Variants in ZNF804B observed in about 807,000 individuals in gnomAD.
The protein encoded by ZNF804B is zinc finger protein 804B, also known as zinc finger 804B.
ZNF804B carries 80 observed loss-of-function variants against 101.4 expected under a neutral mutation model. The observed-to-expected ratio is 0.79, with a 90% CI of 0.66 to 0.95. The LOEUF is 0.95. Among genes scored for constraint, ZNF804B ranks in the 40% least tolerant of loss-of-function variants. The pLI is 0.00. For synonymous variants in ZNF804B, 622 were observed against 558.8 expected, an observed-to-expected ratio of 1.11 and a Z score of -1.59; for missense variants, 1,673 against 1,561.9, an observed-to-expected ratio of 1.07 and a Z score of -1.20.
At chr7:88,817,686 A>G (rs951241874) in intron 1 of ZNF804B, among the ~76,000 whole-genome samples, 2 of 152,222 alleles carry the variant, frequency 1.3e-5, no homozygotes, top group African/African-American at 4.8e-5. Context: ...TGATATATTC[A>G]TCACAACTAA....
At chr7:89,296,584 A>G (rs1436628510) in intron 2 of ZNF804B, among the ~76,000 whole-genome samples, 1 of 152,026 alleles carries the variant, frequency 6.6e-6, no homozygotes, top group Non-Finnish European at 1.5e-5. Flanking sequence ...TTCAGAGCTC[A>G]TTTTCCTACA....
intron 2 of ZNF804B, among the ~76,000 whole-genome samples, chr7:89,280,497 T>C (rs1265403438): frequency 6.6e-6 from 1 of 151,968 alleles, no homozygotes; most frequent in Non-Finnish European, 1.5e-5. Flanking sequence ...ATCAACAAAA[T>C]TGATAGACCG....
intron 1 of ZNF804B, among the ~76,000 whole-genome samples, chr7:88,807,492 A>G (rs1790709415): frequency 6.6e-6 from 1 of 152,232 alleles, no homozygotes. Context: ...AATACTTTAT[A>G]ACCTCTAAGA....
intron 1 of ZNF804B, among the ~76,000 whole-genome samples, chr7:88,904,104 A>G (rs920835536): frequency 6.6e-6 from 1 of 152,128 alleles, no homozygotes; most frequent in Admixed American, 6.6e-5. Context: ...TTAAATCTTT[A>G]ATCCATCTTG....
At chr7:88,852,328 C>T (rs1219313414) in intron 1 of ZNF804B, among the ~76,000 whole-genome samples, 2 of 151,916 alleles carry the variant, frequency 1.3e-5, no homozygotes, top group Non-Finnish European at 1.5e-5. Context: ...AGTTGGTATT[C>T]GTTTGAGGAT....
chr7:89,083,393 C>G (rs984948959), intron 1 of ZNF804B, among the ~76,000 whole-genome samples: 1 of 151,762 alleles, frequency 6.6e-6, no homozygotes, highest in East Asian at 1.9e-4. Flanking sequence ...TCCAAATGCA[C>G]TCTCTTGGTT....
intron 1 of ZNF804B, among the ~76,000 whole-genome samples, chr7:89,146,825 A>C (rs1359222445): frequency 6.6e-6 from 1 of 151,880 alleles, no homozygotes; most frequent in Non-Finnish European, 1.5e-5. Context: ...TCAGAAGTTC[A>C]AGACCAGCAT....
rs202209590 is a variant in ZNF804B at position 89,098,439 on chromosome 7, AT to A, written c.109-119711del. Among the ~76,000 whole-genome samples the A allele has an allele frequency of 8.8e-3, 1,337 of 151,880 alleles. 20 individuals are homozygous for A. Among genetic ancestry groups the A allele is most frequent in the African/African-American group, 0.03 (1,259 of 41,430 alleles). The stretch of plus-strand genomic sequence containing the variant: ...AGGTGCGTGCCACCACACCCAGCTA[AT>A]TTTTGTATTTTTAGTAGAGATGGGG... On this transcript the variant is annotated intron_variant, in intron 1 of 3. Transcript: ENST00000333190.
chr7:88,777,796 C>T (rs1212914465), intron 1 of ZNF804B, among the ~76,000 whole-genome samples: 8 of 141,930 alleles, frequency 5.6e-5, no homozygotes, highest in Admixed American at 2.2e-4. Flanking sequence ...TGCAGTGAGC[C>T]GAGATCACAC....
chr7:89,228,224 A>C (rs1789126760), intron 2 of ZNF804B, among the ~76,000 whole-genome samples: 1 of 147,282 alleles, frequency 6.8e-6, no homozygotes, highest in Admixed American at 6.8e-5. Flanking sequence ...TCATAAAGGC[A>C]GTGTGTACCC....
chr7:88,866,072 GC>G lies in ZNF804B; in HGVS notation c.108+105989del, dbSNP rs542959976. Among the ~76,000 whole-genome samples, 191 of 152,142 alleles carry G rather than the reference GC, an allele frequency of 1.3e-3. 1 individual carries two copies. The highest frequency in any genetic ancestry group is 0.011 in the Admixed American group (166 of 15,284). On this transcript the variant is annotated intron_variant, in intron 1 of 3. Transcript: ENST00000333190. Reference sequence around the variant, plus strand: ...TAAGTAGTAAATACATGTTAGCTAAGCAAAACTATACTAGTTAAGACTAATA... The same window carrying G: ...TAAGTAGTAAATACATGTTAGCTAAGAAAACTATACTAGTTAAGACTAATA...
At chr7:89,175,565 T>C (rs1233471595) in intron 1 of ZNF804B, among the ~76,000 whole-genome samples, 1 of 151,516 alleles carries the variant, frequency 6.6e-6, no homozygotes, top group Admixed American at 6.6e-5. Flanking sequence ...AGCTCTGTGA[T>C]TCCATATACA....
At chr7:88,933,314 A>G (rs1413803328) in intron 1 of ZNF804B, among the ~76,000 whole-genome samples, 2 of 151,878 alleles carry the variant, frequency 1.3e-5, no homozygotes, top group African/African-American at 4.8e-5. Context: ...TAAAAGACAT[A>G]TATGACAAAC....
chr7:88,854,527 T>TTTCCTTTCCTTCCTTTCC (rs1791519535), intron 1 of ZNF804B, among the ~76,000 whole-genome samples: 3 of 40,072 alleles, frequency 7.5e-5, no homozygotes, highest in African/African-American at 2.1e-4. Flanking sequence ...CTTTCCTTCC[T>TTTCCTTTCCTTCCTTTCC]TTCCTTCCTT....
intron 3 of ZNF804B, among the ~76,000 whole-genome samples, chr7:89,328,661 G>A (rs1049396416): frequency 5.9e-5 from 9 of 151,854 alleles, no homozygotes; most frequent in Non-Finnish European, 1.3e-4. Context: ...TGTTGTTAGG[G>A]TAGCATGCAG....
intron 1 of ZNF804B, among the ~76,000 whole-genome samples, chr7:89,124,252 A>C (rs750513720): frequency 2.0e-5 from 3 of 152,148 alleles, no homozygotes; most frequent in Non-Finnish European, 4.4e-5. Context: ...AAAAAGATTC[A>C]AAGCCAGTCA....
chr7:89,064,801 G>A (rs373527970), intron 1 of ZNF804B, among the ~76,000 whole-genome samples: 2 of 152,080 alleles, frequency 1.3e-5, no homozygotes, highest in African/African-American at 4.8e-5. Flanking sequence ...TCAGTGGAAG[G>A]TGGTCACATC....
At chr7:89,165,300 A>G (rs1791125026) in intron 1 of ZNF804B, among the ~76,000 whole-genome samples, 2 of 152,212 alleles carry the variant, frequency 1.3e-5, no homozygotes, top group Non-Finnish European at 2.9e-5. Context: ...TGAACTATAC[A>G]GATGGTGATA....
chr7:89,045,421 G>A (rs2116255594), intron 1 of ZNF804B, among the ~76,000 whole-genome samples: 1 of 152,298 alleles, frequency 6.6e-6, no homozygotes, highest in Admixed American at 6.5e-5. Context: ...CCAGACCCCA[G>A]AATGTTAGAT....
Sources: gnomAD v4.1 joint callset for allele counts (sites outside exome capture counted in the v4.1 genomes callset) on GRCh38, gnomAD v4.1.1 for gene constraint, MANE v1.5 for transcripts, NCBI Gene and HGNC (gene_info 2026-07-23, HGNC 2026-07-21) for gene names.